RNF150: variants seen among roughly 807,000 people sequenced by gnomAD.
RNF150 encodes ring finger protein 150.
A neutral mutation model predicts 39.3 loss-of-function variants in RNF150; 24 were observed. That is an observed-to-expected ratio of 0.61 (90% CI 0.44 to 0.86). The LOEUF is 0.86. RNF150 is among the 40% of genes least tolerant of loss of function. The pLI, the probability that RNF150 is intolerant of heterozygous loss-of-function variation, is 0.00. For missense variants in RNF150, 502 were observed against 587.8 expected, an observed-to-expected ratio of 0.85 and a Z score of 1.51; for synonymous variants, 255 against 227.3, an observed-to-expected ratio of 1.12 and a Z score of -1.10.
At chr4:141,040,398 C>A (rs1192629615) in intron 1 of RNF150, among the ~76,000 whole-genome samples, 1 of 151,978 alleles carries the variant, frequency 6.6e-6, no homozygotes, top group Admixed American at 6.6e-5. Context: ...ACTTTGTGCA[C>A]AACAAGGAGG....
chr4:141,142,783 A>G (rs182516484), intron 1 of RNF150, among the ~76,000 whole-genome samples: 1 of 152,042 alleles, frequency 6.6e-6, no homozygotes, highest in Non-Finnish European at 1.5e-5. Flanking sequence ...GGGTTCCTTC[A>G]GGCTCTGACC....
chr4:140,961,923 T>C (rs1457488361), intron 2 of RNF150, among the ~76,000 whole-genome samples: 3 of 152,078 alleles, frequency 2.0e-5, no homozygotes, highest in African/African-American at 7.2e-5. Context: ...AACATAATGA[T>C]TGAAGTCATT....
chr4:141,031,872 A>C (rs1299741546), intron 1 of RNF150, among the ~76,000 whole-genome samples: 1 of 152,072 alleles, frequency 6.6e-6, no homozygotes, highest in Non-Finnish European at 1.5e-5. Context: ...ATGATCTAGC[A>C]ATCCCATTTG....
At chr4:140,942,562 A>G (rs1732131414) in intron 4 of RNF150, among the ~76,000 whole-genome samples, 1 of 152,046 alleles carries the variant, frequency 6.6e-6, no homozygotes, top group Non-Finnish European at 1.5e-5. Flanking sequence ...GGGAAACACT[A>G]TTTACAAAAT....
intron 1 of RNF150, among the ~76,000 whole-genome samples, chr4:141,170,557 T>C (rs1271887895): frequency 6.6e-6 from 1 of 152,232 alleles, no homozygotes; most frequent in Non-Finnish European, 1.5e-5. Context: ...TTTTTTTCTG[T>C]CTCTGCAAAG....
intron 1 of RNF150, among the ~76,000 whole-genome samples, chr4:140,994,884 G>A (rs941346161): frequency 2.0e-5 from 3 of 151,848 alleles, no homozygotes; most frequent in African/African-American, 7.3e-5. Flanking sequence ...ATATTTATGA[G>A]GTACATGAGG....
In RNF150 at chr4:141,028,384, C is replaced by T. The variant is rs558042508; in HGVS notation, c.485-60511G>A. Among the ~76,000 whole-genome samples, 18 of 152,184 alleles carry T rather than the reference C, an allele frequency of 1.2e-4. No individual in the cohort carries two copies. In the South Asian group the frequency reaches 3.7e-3, roughly 32 times the overall value. ...TGGAGCATATCTCATAAACCATTTG[C>T]TTAGTCATTTAACTAGAGTGCCTAC... On this transcript the variant is annotated intron_variant, in intron 1 of 6. Coordinates refer to ENST00000515673, the MANE Select transcript of RNF150 (RefSeq NM_020724.2).
chr4:141,059,850 T>C (rs939074886), intron 1 of RNF150, among the ~76,000 whole-genome samples: 1 of 152,142 alleles, frequency 6.6e-6, no homozygotes, highest in Admixed American at 6.6e-5. Context: ...TAAAAAAAGT[T>C]TTCAGAGAAC....
intron 4 of RNF150, among the ~76,000 whole-genome samples, chr4:140,934,871 C>T (rs1020401502): frequency 3.3e-5 from 5 of 150,762 alleles, no homozygotes; most frequent in Non-Finnish European, 7.4e-5. Context: ...TAATAAAATA[C>T]AGGGGCAATC....
intron 2 of RNF150, among the ~76,000 whole-genome samples, chr4:140,958,444 G>C (rs1304594911): frequency 6.6e-6 from 1 of 152,162 alleles, no homozygotes; most frequent in East Asian, 1.9e-4. Flanking sequence ...CAATGCCATT[G>C]AGGTGGCTTC....
chr4:140,887,574 T>C (rs139151927), intron 6 of RNF150, among the ~76,000 whole-genome samples: 49 of 152,192 alleles, frequency 3.2e-4, no homozygotes, highest in African/African-American at 1.2e-3. Context: ...GGTCGACGCA[T>C]CAACATTTCA....
intron 1 of RNF150, among the ~76,000 whole-genome samples, chr4:141,201,964 A>G (rs1728299026): frequency 6.6e-6 from 1 of 152,138 alleles, no homozygotes; most frequent in African/African-American, 2.4e-5. Flanking sequence ...ATGCCCTTAT[A>G]AAAGGGCTAG....
intron 1 of RNF150, among the ~76,000 whole-genome samples, chr4:141,157,110 C>T (rs1727419818): frequency 6.6e-6 from 1 of 152,066 alleles, no homozygotes; most frequent in Non-Finnish European, 1.5e-5. Flanking sequence ...TCATCAGAAA[C>T]TCAGATGCTT....
chr4:141,109,771 C>G (rs1253913071), intron 1 of RNF150, among the ~76,000 whole-genome samples: 4 of 152,118 alleles, frequency 2.6e-5, no homozygotes, highest in Non-Finnish European at 1.5e-5. Flanking sequence ...AAAAATCTAA[C>G]AAACACCTAT....
chr4:141,186,036 C>T (rs1168460545), intron 1 of RNF150, among the ~76,000 whole-genome samples: 1 of 152,046 alleles, frequency 6.6e-6, no homozygotes, highest in Admixed American at 6.5e-5. Context: ...CAGGATGATG[C>T]TGGCCTCATA....
At chr4:141,162,698 A>G (rs1335607596) in intron 1 of RNF150, among the ~76,000 whole-genome samples, 1 of 152,046 alleles carries the variant, frequency 6.6e-6, no homozygotes, top group African/African-American at 2.4e-5. Flanking sequence ...CAGAACCACA[A>G]GGGGTCAAGG....
At chr4:140,942,890 A>C (rs1245624259) in intron 4 of RNF150, among the ~76,000 whole-genome samples, 4 of 152,214 alleles carry the variant, frequency 2.6e-5, no homozygotes, top group Non-Finnish European at 5.9e-5. Flanking sequence ...CAACTCTGAC[A>C]ATAATAACCC....
chr4:140,955,905 G>C (rs2111391510), intron 2 of RNF150, among the ~76,000 whole-genome samples: 1 of 152,246 alleles, frequency 6.6e-6, no homozygotes, highest in East Asian at 1.9e-4. Context: ...AAGGCACATG[G>C]GCCATGTACA....
Position 141,029,800 on chromosome 4 carries a change from T to C in RNF150, c.485-61927A>G, listed in dbSNP as rs549134102. 5.3e-5 allele frequency among the ~76,000 whole-genome samples: 8 copies of C among 152,308 alleles called. No individual in the cohort carries two copies. The East Asian group carries it at 1.3e-3, about 26-fold the overall frequency. On this transcript the variant is annotated intron_variant, in intron 1 of 6. Transcript: ENST00000515673. The stretch of plus-strand genomic sequence containing the variant: ...GGATAAGGGATTACTATCCAGAATA[T>C]ATAAAGAACTCCTACAATTCAACAA...
Sources: allele counts gnomAD v4.1 joint callset (sites outside exome capture counted in the v4.1 genomes callset), GRCh38; gene constraint gnomAD v4.1.1; transcripts MANE v1.5; gene names NCBI Gene and HGNC (gene_info 2026-07-23, HGNC 2026-07-21).